PPP2R2B: variants seen among roughly 807,000 people sequenced by gnomAD.
The protein encoded by PPP2R2B is protein phosphatase 2 regulatory subunit Bbeta.
PPP2R2B carries 5 observed loss-of-function variants against 46.0 expected under a neutral mutation model. The ratio of observed to expected loss-of-function variants is 0.11; its 90% confidence interval spans 0.06 to 0.23. The LOEUF (loss-of-function observed/expected upper bound fraction) is 0.23, where lower values mean the gene tolerates loss of function less well. PPP2R2B is among the 10% of genes least tolerant of loss of function. PPP2R2B has a pLI of 1.00. For synonymous variants in PPP2R2B, 215 were observed against 206.7 expected (o/e 1.04, Z -0.34); for missense variants, 367 against 575.0 (o/e 0.64, Z 3.70).
chr5:146,915,447 T>TACACACACAC (rs34632167), intron 1 of PPP2R2B, among the ~76,000 whole-genome samples: 5 of 147,630 alleles, frequency 3.4e-5, no homozygotes, highest in African/African-American at 1.2e-4. Context: ...TCTACCTATG[T>TACACACACAC]ACACACACAC....
At chr5:146,663,637 A>G (rs935351184) in intron 5 of PPP2R2B, among the ~76,000 whole-genome samples, 2 of 152,166 alleles carry the variant, frequency 1.3e-5, no homozygotes, top group African/African-American at 4.8e-5. Context: ...GTACAATAGC[A>G]TTATGTTTAA....
rs183074543 is a variant in PPP2R2B at position 146,973,544 on chromosome 5, A to T, written c.79+82121T>A. ...TGAGTCACACTGGGTTAGTGGCATT[A>T]CTTTAAATCTACAGTTAGAGCTACA... is the stretch of plus-strand genomic sequence containing the variant. On this transcript the variant is annotated intron_variant, in intron 1 of 8. Coordinates refer to the PPP2R2B transcript ENST00000336640. 3.9e-4 allele frequency among the ~76,000 whole-genome samples: 60 copies of T among 152,336 alleles called. 2 individuals are homozygous for T. The highest frequency in any genetic ancestry group is 3.2e-3 in the Admixed American group (49 of 15,294).
At chr5:146,638,168 G>C (rs929363998) in intron 7 of PPP2R2B, 83 bp downstream of exon 7, 54 of 1,420,182 alleles carry the variant, frequency 3.8e-5, no homozygotes, top group Middle Eastern at 2.2e-4. Flanking sequence ...GGTGTAGAAA[G>C]GGAGATCATA....
At position 146,849,652 on chromosome 5, in the gene PPP2R2B, T is replaced by C. The variant is rs115116082; in HGVS notation, c.70+28350A>G. Reference sequence around the variant, plus strand: ...GTACAAGAGGGTGCACTAACAAAGGTCTGATTTAAGTGCTTTTATTCAACC... The same window carrying C: ...GTACAAGAGGGTGCACTAACAAAGGCCTGATTTAAGTGCTTTTATTCAACC... On this transcript the variant is annotated intron_variant, in intron 2 of 9. Transcript: ENST00000394411. Among the ~76,000 whole-genome samples, 1,134 of 152,176 alleles carry C rather than the reference T, an allele frequency of 7.5e-3. 10 individuals carry two copies. Among genetic ancestry groups the C allele is most frequent in the Middle Eastern group, 0.041 (12 of 294 alleles).
chr5:146,623,098 C>T (rs1773815866), intron 7 of PPP2R2B, among the ~76,000 whole-genome samples: 1 of 152,190 alleles, frequency 6.6e-6, no homozygotes, highest in Non-Finnish European at 1.5e-5. Context: ...ACTTAATAAC[C>T]TCCCTAGGGG....
intron 1 of PPP2R2B, among the ~76,000 whole-genome samples, chr5:146,894,953 C>T (rs936267586): frequency 5.9e-5 from 9 of 152,206 alleles, no homozygotes; most frequent in East Asian, 3.9e-4. Context: ...AATATGGTGC[C>T]GGCCCTAGAA....
At chr5:146,998,901 A>G (rs1223452846) in intron 1 of PPP2R2B, among the ~76,000 whole-genome samples, 1 of 151,802 alleles carries the variant, frequency 6.6e-6, no homozygotes, top group African/African-American at 2.4e-5. Context: ...AGGCCTTTTC[A>G]AAGGTAACAG....
rs538043319 is a variant in PPP2R2B at position 146,891,871 on chromosome 5, T to C, written c.79+163794A>G. Among the ~76,000 whole-genome samples, 8 of 152,282 alleles carry C rather than the reference T, an allele frequency of 5.3e-5. 1 individual carries two copies. The highest frequency in any genetic ancestry group is 1.9e-4 in the African/African-American group (8 of 41,562). On this transcript the variant is annotated intron_variant, in intron 1 of 8. Transcript: ENST00000336640. ...AATCAAAAAAAGGGGGCATCTTTTG[T>C]TCTTAAAGTATTTGGAATTTTAAGA...
intron 2 of PPP2R2B, among the ~76,000 whole-genome samples, chr5:147,061,468 C>A (rs1757256019): frequency 6.6e-6 from 1 of 152,108 alleles, no homozygotes; most frequent in Non-Finnish European, 1.5e-5. Flanking sequence ...TAACTACCTA[C>A]AGATTTTAAA....
chr5:147,074,415 A>G (rs1757698896), intron 2 of PPP2R2B, among the ~76,000 whole-genome samples: 1 of 152,192 alleles, frequency 6.6e-6, no homozygotes, highest in Non-Finnish European at 1.5e-5. Context: ...CAAGGCAAGT[A>G]GGGCTCCATT....
At chr5:146,757,189 G>T (rs1365769981) in intron 2 of PPP2R2B, among the ~76,000 whole-genome samples, 2 of 152,080 alleles carry the variant, frequency 1.3e-5, no homozygotes, top group African/African-American at 4.8e-5. Context: ...GAGGGAGGGA[G>T]GTAGGCAGGT....
chr5:147,037,461 T>C (rs78802933), intron 1 of PPP2R2B, among the ~76,000 whole-genome samples: 2,168 of 152,022 alleles, frequency 0.014, 40 homozygotes, highest in African/African-American at 0.049. Flanking sequence ...TAATTATAAA[T>C]ATATATATGT....
chr5:146,984,240 C>G (rs1015455097), intron 1 of PPP2R2B, among the ~76,000 whole-genome samples: 3 of 152,184 alleles, frequency 2.0e-5, no homozygotes, highest in African/African-American at 7.2e-5. Flanking sequence ...TGACTATCAT[C>G]TTCTCATTCC....
chr5:146,801,300 T>A (rs1454476214), intron 2 of PPP2R2B, among the ~76,000 whole-genome samples: 3 of 152,156 alleles, frequency 2.0e-5, no homozygotes, highest in Non-Finnish European at 4.4e-5. Flanking sequence ...GACTTGAAAT[T>A]TGCTAAAAGG....
intron 1 of PPP2R2B, among the ~76,000 whole-genome samples, chr5:147,029,422 A>T (rs539233403): frequency 6.6e-6 from 1 of 152,308 alleles, no homozygotes; most frequent in African/African-American, 2.4e-5. Flanking sequence ...CTGCAATGCC[A>T]TCTTTTCAAA....
At chr5:146,655,969 A>G (rs542610426) in intron 5 of PPP2R2B, among the ~76,000 whole-genome samples, 112 of 152,246 alleles carry the variant, frequency 7.4e-4, no homozygotes, top group Non-Finnish European at 1.4e-3. Flanking sequence ...AACTCAGAGG[A>G]GAGACAGCAA....
chr5:146,633,400 CT>C (rs1418159270), intron 7 of PPP2R2B, among the ~76,000 whole-genome samples: 2 of 152,188 alleles, frequency 1.3e-5, no homozygotes, highest in Admixed American at 1.3e-4. Context: ...TGACTGCAGG[CT>C]GCCGTTTGAG....
chr5:146,839,859 A>G lies in PPP2R2B; in HGVS notation c.70+38143T>C, dbSNP rs144487822. Among the ~76,000 whole-genome samples the G allele has an allele frequency of 3.9e-3, 598 of 152,340 alleles. 3 individuals carry two copies. Among genetic ancestry groups the G allele is most frequent in the African/African-American group, 0.013 (545 of 41,588 alleles). Reference sequence around the variant, plus strand: ...AATGCGAAATGTCACCATTTCTACAATTTTATTCATCCTTCTTTCCAAACA... The same window carrying G: ...AATGCGAAATGTCACCATTTCTACAGTTTTATTCATCCTTCTTTCCAAACA... On this transcript the variant is annotated intron_variant, in intron 2 of 9. Coordinates refer to ENST00000394411, the MANE Select transcript of PPP2R2B (RefSeq NM_181675.4).
chr5:146,773,843 A>G (rs1020697220), intron 2 of PPP2R2B, among the ~76,000 whole-genome samples: 1 of 152,194 alleles, frequency 6.6e-6, no homozygotes, highest in Admixed American at 6.5e-5. Flanking sequence ...AATGTGAATT[A>G]TTTATATAAT....
Sources: gnomAD v4.1 joint callset for allele counts (sites outside exome capture counted in the v4.1 genomes callset) on GRCh38, gnomAD v4.1.1 for gene constraint, MANE v1.5 for transcripts, NCBI Gene and HGNC (gene_info 2026-07-23, HGNC 2026-07-21) for gene names.